CSMD1: variants seen among roughly 807,000 people sequenced by gnomAD.
CSMD1 encodes the protein CUB and sushi domain-containing protein 1.
Under a neutral mutation model 417.5 loss-of-function variants are expected in CSMD1, and 213 were observed. That is an observed-to-expected ratio of 0.51 (90% CI 0.46 to 0.57). The LOEUF (loss-of-function observed/expected upper bound fraction) is 0.57, where lower values mean the gene tolerates loss of function less well. Among genes scored for constraint, CSMD1 ranks in the 20% least tolerant of loss-of-function variants. The probability of loss-of-function intolerance (pLI) is 0.00; values close to 1 mark genes in which losing one functional copy is unlikely to be tolerated. For missense variants in CSMD1, 6,923 were observed against 4,529.7 expected (o/e 1.53, Z -15.17); for synonymous variants, 2,862 against 1,736.8 (o/e 1.65, Z -16.11).
At chr8:4,634,900 G>C (rs556251421) in intron 2 of CSMD1, among the ~76,000 whole-genome samples, 1 of 152,188 alleles carries the variant, frequency 6.6e-6, no homozygotes, top group East Asian at 1.9e-4. Flanking sequence ...AGTAGTCATT[G>C]GGCGTTTTTC....
intron 1 of CSMD1, among the ~76,000 whole-genome samples, chr8:4,909,907 G>A (rs1041061117): frequency 1.3e-5 from 2 of 152,152 alleles, no homozygotes; most frequent in Non-Finnish European, 2.9e-5. Context: ...TTCTTCTTAT[G>A]AGGATGGGAG....
intron 1 of CSMD1, among the ~76,000 whole-genome samples, chr8:4,986,616 C>T (rs1297408139): frequency 2.6e-5 from 4 of 151,858 alleles, no homozygotes; most frequent in Admixed American, 6.6e-5. Context: ...ATAATTCACT[C>T]GAACAGTATT....
chr8:4,860,732 A>G (rs1161624990), intron 1 of CSMD1, among the ~76,000 whole-genome samples: 1 of 152,166 alleles, frequency 6.6e-6, no homozygotes, highest in East Asian at 1.9e-4. Flanking sequence ...TGTAACATAC[A>G]GTGCTCTTCG....
chr8:4,513,605 T>G (rs1328829103), intron 2 of CSMD1, among the ~76,000 whole-genome samples: 1 of 152,224 alleles, frequency 6.6e-6, no homozygotes, highest in Non-Finnish European at 1.5e-5. Context: ...ATGGAGCATG[T>G]AAAAGATAAA....
intron 5 of CSMD1, among the ~76,000 whole-genome samples, chr8:3,776,739 A>C (rs1798907179): frequency 6.6e-6 from 1 of 150,954 alleles, no homozygotes; most frequent in African/African-American, 2.5e-5. Flanking sequence ...TAGATGACAG[A>C]TAAAGATAGG....
intron 3 of CSMD1, among the ~76,000 whole-genome samples, chr8:4,325,847 C>A (rs564459674): frequency 5.3e-5 from 8 of 152,206 alleles, no homozygotes; most frequent in African/African-American, 1.7e-4. Flanking sequence ...AAGCTTATTC[C>A]ACCTGATGGC....
chr8:4,025,110 C>G (rs2912268), intron 4 of CSMD1, among the ~76,000 whole-genome samples: 1 of 152,004 alleles, frequency 6.6e-6, no homozygotes, highest in Non-Finnish European at 1.5e-5. Context: ...AAGGGGACAC[C>G]GAAGGGGCTG....
intron 12 of CSMD1, among the ~76,000 whole-genome samples, chr8:3,441,681 T>C (rs1814993518): frequency 6.6e-6 from 1 of 152,110 alleles, no homozygotes; most frequent in Non-Finnish European, 1.5e-5. Flanking sequence ...CTGGTGATGC[T>C]GGTGTAAATA....
At chr8:4,357,890 A>G (rs983226840) in intron 3 of CSMD1, among the ~76,000 whole-genome samples, 25 of 152,280 alleles carry the variant, frequency 1.6e-4, no homozygotes, top group South Asian at 4.1e-4. Context: ...TCATAGACGT[A>G]TAATTGTAGT....
At chr8:4,303,725 G>A (rs568491908) in intron 3 of CSMD1, among the ~76,000 whole-genome samples, 7 of 151,690 alleles carry the variant, frequency 4.6e-5, no homozygotes, top group African/African-American at 1.7e-4. Context: ...TCATTATCTT[G>A]GCTCACCCCA....
intron 2 of CSMD1, among the ~76,000 whole-genome samples, chr8:4,576,299 G>A (rs1391346853): frequency 1.3e-5 from 2 of 152,182 alleles, no homozygotes; most frequent in Non-Finnish European, 2.9e-5. Flanking sequence ...CATTGCCTGG[G>A]TTCTCCTCTC....
intron 5 of CSMD1, among the ~76,000 whole-genome samples, chr8:3,856,705 G>A (rs193140587): frequency 2.0e-5 from 3 of 152,284 alleles, no homozygotes; most frequent in Admixed American, 1.3e-4. Flanking sequence ...GGGAAGATAG[G>A]GTATGCTGTT....
intron 3 of CSMD1, among the ~76,000 whole-genome samples, chr8:4,274,426 G>A (rs1015644577): frequency 6.6e-6 from 1 of 152,054 alleles, no homozygotes; most frequent in Non-Finnish European, 1.5e-5. Flanking sequence ...TGGTGCCCAA[G>A]AGTTGCAAAC....
chr8:3,283,949 A>T (rs1214483105), intron 26 of CSMD1, among the ~76,000 whole-genome samples, 195 bp downstream of exon 26: 1 of 152,264 alleles, frequency 6.6e-6, no homozygotes, highest in Non-Finnish European at 1.5e-5. Flanking sequence ...GGCTTCTGTT[A>T]TCGTGGCCTC....
At position 4,822,702 on chromosome 8, in the gene CSMD1, C is replaced by G. The variant is rs115862706; in HGVS notation, c.85+171630G>C. Among the ~76,000 whole-genome samples, 545 of 152,164 alleles carry G rather than the reference C, an allele frequency of 3.6e-3. 2 individuals are homozygous for G. The highest frequency in any genetic ancestry group is 0.013 in the African/African-American group (524 of 41,528). On this transcript the variant is annotated intron_variant, in intron 1 of 69. Coordinates refer to ENST00000635120, the MANE Select transcript of CSMD1 (RefSeq NM_033225.6). The stretch of plus-strand genomic sequence containing the variant: ...TATAATTAGCCATATACAATGTTGT[C>G]TCTCCTATATGTAAGCTTTCATAAG...
At chr8:4,822,862 T>C (rs1056416371) in intron 1 of CSMD1, among the ~76,000 whole-genome samples, 2 of 152,132 alleles carry the variant, frequency 1.3e-5, no homozygotes, top group African/African-American at 2.4e-5. Flanking sequence ...CGTCAGATTG[T>C]CTTTTTCATA....
intron 2 of CSMD1, among the ~76,000 whole-genome samples, chr8:4,537,852 G>A (rs1343423517): frequency 6.6e-6 from 1 of 152,092 alleles, no homozygotes. Context: ...AGCACTTTTT[G>A]CATTGCTTTG....
rs778640901 is a variant in CSMD1 at position 3,087,247 on chromosome 8, C to G, written c.7324G>C (p.Gly2442Arg). 6.2e-7 allele frequency: 1 copy of G among 1,613,814 alleles called. No homozygotes were observed. The highest frequency in any genetic ancestry group is 2.2e-5 in the East Asian group (1 of 44,888). ...CSLTHPLKNGGILNRTAGAVG... is the reference protein window; with the variant it reads ...CSLTHPLKNGRILNRTAGAVG... ...GCTCCTGCAGTCCTGTTTAGAATAC[C>G]CCCATTCTTCAGGGGGTGGGTCAAA... is the stretch of plus-strand genomic sequence containing the variant. Residue 2442 changes from glycine (G) to arginine (R), a missense_variant, in exon 49 of 70, where the codon GGT becomes CGT. Transcript: ENST00000635120.
chr8:3,843,340 C>G (rs1189307987), intron 5 of CSMD1, among the ~76,000 whole-genome samples: 3 of 152,238 alleles, frequency 2.0e-5, no homozygotes, highest in Non-Finnish European at 2.9e-5. Context: ...CGTTTGAAGA[C>G]TTTATTTACT....
Sources: allele counts gnomAD v4.1 joint callset (sites outside exome capture counted in the v4.1 genomes callset), GRCh38; gene constraint gnomAD v4.1.1; transcripts MANE v1.5; gene names NCBI Gene and HGNC (gene_info 2026-07-23, HGNC 2026-07-21).